Variants in KIAA1217 observed in about 807,000 individuals in gnomAD.
KIAA1217 encodes sickle tail protein homolog.
In KIAA1217, 88 loss-of-function variants were observed where a neutral mutation model predicts 163.9. That is an observed-to-expected ratio of 0.54 (90% CI 0.45 to 0.64). The LOEUF (loss-of-function observed/expected upper bound fraction) is 0.64, where lower values mean the gene tolerates loss of function less well. KIAA1217 is among the 30% of genes least tolerant of loss of function. KIAA1217 has a pLI of 0.00. For synonymous variants in KIAA1217, 903 were observed against 923.1 expected (o/e 0.98, Z 0.39); for missense variants, 2,372 against 2,475.0 (o/e 0.96, Z 0.88).
intron 2 of KIAA1217, among the ~76,000 whole-genome samples, chr10:24,203,280 G>A (rs11013958): frequency 0.25 from 37,360 of 152,070 alleles, 5,402 homozygotes; most frequent in Middle Eastern, 0.33. Flanking sequence ...TGATGATTGA[G>A]GGGTCGCCTT....
intron 2 of KIAA1217, among the ~76,000 whole-genome samples, chr10:24,116,196 C>T (rs1403890606): frequency 6.6e-6 from 1 of 152,076 alleles, no homozygotes; most frequent in South Asian, 2.1e-4. Flanking sequence ...CACACTTGCC[C>T]CATGAGTAGT....
chr10:24,480,729 C>T (rs746863597), intron 6 of KIAA1217, among the ~76,000 whole-genome samples: 4 of 152,004 alleles, frequency 2.6e-5, no homozygotes, highest in Non-Finnish European at 5.9e-5. Context: ...AGGAACTCCC[C>T]GAAGAAGCAG....
intron 16 of KIAA1217, among the ~76,000 whole-genome samples, chr10:24,534,418 A>C (rs2135157282): frequency 6.6e-6 from 1 of 152,330 alleles, no homozygotes; most frequent in Non-Finnish European, 1.5e-5. Flanking sequence ...AGGCTTGTGG[A>C]TAATTTTTTA....
chr10:23,705,518 C>T (rs1179201659), intron 1 of KIAA1217, among the ~76,000 whole-genome samples: 1 of 152,084 alleles, frequency 6.6e-6, no homozygotes, highest in Non-Finnish European at 1.5e-5. Context: ...ATCAAATTTT[C>T]TTGACAGCCT....
chr10:23,853,981 A>AT (rs1252918092), intron 1 of KIAA1217, among the ~76,000 whole-genome samples: 2 of 151,982 alleles, frequency 1.3e-5, no homozygotes, highest in Admixed American at 1.3e-4. Flanking sequence ...GGATTCATTA[A>AT]TTTTTTGAAG....
At chr10:24,404,040 C>G (rs2056883967) in intron 3 of KIAA1217, among the ~76,000 whole-genome samples, 1 of 152,146 alleles carries the variant, frequency 6.6e-6, no homozygotes, top group South Asian at 2.1e-4. Context: ...CCACCATAGC[C>G]CCCATCTCCC....
chr10:24,070,341 A>G (rs2061137963), intron 2 of KIAA1217, among the ~76,000 whole-genome samples: 1 of 152,164 alleles, frequency 6.6e-6, no homozygotes, highest in African/African-American at 2.4e-5. Flanking sequence ...CAATTCCCAA[A>G]CAAAATACAT....
chr10:24,171,634 G>A (rs1037010738), intron 2 of KIAA1217, among the ~76,000 whole-genome samples: 8 of 152,126 alleles, frequency 5.3e-5, no homozygotes, highest in South Asian at 4.1e-4. Flanking sequence ...GAGAAACCCC[G>A]TCTCTACTAA....
chr10:24,180,643 G>A (rs1264436698), intron 2 of KIAA1217, among the ~76,000 whole-genome samples: 1 of 151,856 alleles, frequency 6.6e-6, no homozygotes, highest in Non-Finnish European at 1.5e-5. Context: ...CTATTTCAGT[G>A]TCTCCCCAGA....
At chr10:24,498,800 G>T (rs1293850122) in intron 8 of KIAA1217, among the ~76,000 whole-genome samples, 2 of 152,146 alleles carry the variant, frequency 1.3e-5, no homozygotes, top group African/African-American at 4.8e-5. Context: ...GTGACAGAGC[G>T]AAACCATGTT....
chr10:24,426,132 G>A (rs1023493652), intron 3 of KIAA1217, among the ~76,000 whole-genome samples: 2 of 152,236 alleles, frequency 1.3e-5, no homozygotes, highest in Non-Finnish European at 2.9e-5. Context: ...GCTGCCTGCA[G>A]AAGACGCCCT....
chr10:23,900,279 TA>T (rs762651986), intron 1 of KIAA1217, among the ~76,000 whole-genome samples: 5 of 152,068 alleles, frequency 3.3e-5, no homozygotes, highest in Non-Finnish European at 7.4e-5. Flanking sequence ...GTGCTGAGAT[TA>T]CAAGCACGAG....
chr10:23,923,067 A>G (rs1005067735), intron 1 of KIAA1217, among the ~76,000 whole-genome samples: 2 of 152,066 alleles, frequency 1.3e-5, no homozygotes, highest in Non-Finnish European at 2.9e-5. Flanking sequence ...ACTGTACCCA[A>G]TATGTAGTCT....
chr10:24,462,903 C>T (rs924720989), intron 5 of KIAA1217, among the ~76,000 whole-genome samples: 2 of 152,016 alleles, frequency 1.3e-5, no homozygotes, highest in Non-Finnish European at 2.9e-5. Context: ...AGTTGGGTGC[C>T]GCAGATAACT....
intron 10 of KIAA1217, 64 bp downstream of exon 10, chr10:24,513,498 A>C (rs892738055): frequency 1.3e-6 from 2 of 1,522,900 alleles, no homozygotes; most frequent in African/African-American, 2.7e-5. Flanking sequence ...CATTACTAAG[A>C]AGGAGGTCCT....
chr10:24,132,372 T>C (rs578254261), intron 2 of KIAA1217, among the ~76,000 whole-genome samples: 45 of 152,340 alleles, frequency 3.0e-4, no homozygotes, highest in African/African-American at 1.1e-3. Flanking sequence ...GCCCTGTGGT[T>C]GGTCCTGAAT....
chr10:24,132,537 C>T lies in KIAA1217; in HGVS notation c.-170-87089C>T, dbSNP rs533078485. ...CTGCCCTCCGGCAGGACCCAGTCTT[C>T]TAAAGGAGCAGTTTCTCTGTAAACT... On this transcript the variant is annotated intron_variant, in intron 2 of 18. Transcript: ENST00000376462. 5.3e-5 allele frequency among the ~76,000 whole-genome samples: 8 copies of T among 152,318 alleles called. No homozygotes were observed. The South Asian group carries it at 1.7e-3, about 32-fold the overall frequency.
intron 2 of KIAA1217, among the ~76,000 whole-genome samples, chr10:24,334,473 AAGGAAGG>A (rs879687542): frequency 0.018 from 2,686 of 150,588 alleles, 54 homozygotes; most frequent in South Asian, 0.046. Flanking sequence ...GGAAGGAAGG[AAGGAAGG>A]AAGGAACTTA....
chr10:23,942,538 G>A (rs1209122209), intron 1 of KIAA1217, among the ~76,000 whole-genome samples: 1 of 152,120 alleles, frequency 6.6e-6, no homozygotes, highest in African/African-American at 2.4e-5. Context: ...AGCAGAAAAA[G>A]TATCTGAAGA....
Sources: gnomAD v4.1 joint callset for allele counts (sites outside exome capture counted in the v4.1 genomes callset) on GRCh38, gnomAD v4.1.1 for gene constraint, MANE v1.5 for transcripts, NCBI Gene and HGNC (gene_info 2026-07-23, HGNC 2026-07-21) for gene names.